LNPEP: variants seen among roughly 807,000 people sequenced by gnomAD.
The protein encoded by LNPEP is leucyl-cystinyl aminopeptidase.
In LNPEP, 64 loss-of-function variants were observed where a neutral mutation model predicts 120.6. That is an observed-to-expected ratio of 0.53 (90% confidence interval 0.43 to 0.65). LNPEP has a LOEUF of 0.65. Ranked by LOEUF, LNPEP falls within the 30% of genes least tolerant of loss-of-function variation. The probability of loss-of-function intolerance (pLI) is 0.00; values close to 1 mark genes in which losing one functional copy is unlikely to be tolerated. For synonymous variants in LNPEP, 435 were observed against 425.4 expected (o/e 1.02, Z -0.28); for missense variants, 1,057 against 1,200.0 (o/e 0.88, Z 1.76).
At chr5:96,945,037 A>AGATG (rs1227270765) in intron 1 of LNPEP, among the ~76,000 whole-genome samples, 2 of 152,106 alleles carry the variant, frequency 1.3e-5, no homozygotes, top group Admixed American at 1.3e-4. Context: ...TTCAGAGAAT[A>AGATG]GATGGTTATT....
rs1439670879 is a variant in LNPEP, at chr5:96,979,970, T to A, written c.852T>A (p.Asn284Lys). ...FYGFSYTDES[N>K]EKKYFAATQF... ...GCTTCTCCTACACAGATGAAAGTAA[T>A]GAGAAAAAGTAGGTAGCCCTCTTAA... The change falls in exon 2 of 18, where the codon AAT (asparagine) becomes AAA (lysine). Residue 284 changes from asparagine to lysine, a missense_variant. Physicochemically the swap from Asn to Lys is moderately conservative, Grantham distance 94 (BLOSUM62 0). Transcript: ENST00000231368. 6.3e-7 allele frequency: 1 copy of A among 1,579,394 alleles called. No individual in the cohort carries two copies. The highest frequency in any genetic ancestry group is 1.4e-5 in the African/African-American group (1 of 73,436).
chr5:96,991,816 T>C (rs1473279861), intron 4 of LNPEP, among the ~76,000 whole-genome samples: 3 of 146,644 alleles, frequency 2.0e-5, no homozygotes, highest in Admixed American at 1.4e-4. Context: ...ATGTTTTTGC[T>C]TTGAGAAATT....
At chr5:97,007,996 T>A (rs1454147560) in intron 11 of LNPEP, among the ~76,000 whole-genome samples, 1 of 152,198 alleles carries the variant, frequency 6.6e-6, no homozygotes, top group Non-Finnish European at 1.5e-5. Context: ...TCTAATTATT[T>A]AAAATCCTAG....
At chr5:97,018,937 C>T (rs72775877) in intron 13 of LNPEP, among the ~76,000 whole-genome samples, 3,575 of 152,250 alleles carry the variant, frequency 0.023, 62 homozygotes, top group Non-Finnish European at 0.033. Context: ...AGCCATATTC[C>T]TGTTTTATCA....
chr5:97,030,050 T>G lies in LNPEP; in HGVS notation c.*1517T>G, dbSNP rs1791438259. ...CCACAGAGTCAGACAGTGGGAAAGG[T>G]CACCCTTTTTTTATTCGGCAGGTAT... On this transcript the variant is annotated 3_prime_UTR_variant, in exon 18 of 18. Coordinates refer to ENST00000231368, the MANE Select transcript of LNPEP (RefSeq NM_005575.3). 1 of 152,092 alleles carries G rather than the reference T, an allele frequency of 6.6e-6. No individual in the cohort carries two copies. The highest frequency in any genetic ancestry group is 2.1e-4 in the South Asian group (1 of 4,830). The allele number at this position is 152,092 out of a possible 1,614,324, so 9.4% of individuals were successfully genotyped here. A position where few individuals can be genotyped will look rare whatever the true frequency, so the allele number is the denominator to read the frequency against.
At chr5:96,956,810 G>A (rs74590165) in intron 1 of LNPEP, among the ~76,000 whole-genome samples, 5,715 of 152,138 alleles carry the variant, frequency 0.038, 186 homozygotes, top group Middle Eastern at 0.11. Context: ...TCCTTGAGGC[G>A]CTGTTTATTT....
chr5:97,009,282 G>GT (rs1029452790), intron 11 of LNPEP, among the ~76,000 whole-genome samples: 1 of 152,060 alleles, frequency 6.6e-6, no homozygotes, highest in Non-Finnish European at 1.5e-5. Flanking sequence ...CCCTACTTAG[G>GT]TTTTTTAATA....
intron 1 of LNPEP, among the ~76,000 whole-genome samples, chr5:96,965,436 G>A (rs531595618): frequency 2.6e-4 from 39 of 151,956 alleles, no homozygotes; most frequent in Middle Eastern, 3.4e-3. Flanking sequence ...GGTTTTTCTT[G>A]CGCATACCTA....
chr5:96,965,005 C>T (rs180956684), intron 1 of LNPEP, among the ~76,000 whole-genome samples: 1 of 152,194 alleles, frequency 6.6e-6, no homozygotes, highest in Non-Finnish European at 1.5e-5. Flanking sequence ...TTGATACATG[C>T]ATACAGTGTG....
chr5:96,981,692 G>A (rs994922064), intron 2 of LNPEP, among the ~76,000 whole-genome samples: 12 of 152,144 alleles, frequency 7.9e-5, no homozygotes, highest in South Asian at 2.1e-4. Context: ...GTATGTAAAC[G>A]TCAGACACCT....
chr5:96,998,498 C>A (rs1226190308), intron 8 of LNPEP, among the ~76,000 whole-genome samples: 1 of 152,134 alleles, frequency 6.6e-6, no homozygotes, highest in Non-Finnish European at 1.5e-5. Context: ...GGTATGCTGT[C>A]AGGTCAGGAC....
chr5:96,962,979 T>G (rs1382491312), intron 1 of LNPEP, among the ~76,000 whole-genome samples: 3 of 152,150 alleles, frequency 2.0e-5, no homozygotes, highest in Non-Finnish European at 4.4e-5. Flanking sequence ...GCCTTTGGGC[T>G]TAAGAGAAAA....
intron 11 of LNPEP, chr5:97,010,195 C>T (rs1206106201): frequency 2.3e-5 from 17 of 754,500 alleles, no homozygotes; most frequent in South Asian, 6.1e-5. Context: ...TTTCTTCCTC[C>T]CTCTCTCTCT....
chr5:96,941,414 T>C (rs1261183479), intron 1 of LNPEP, among the ~76,000 whole-genome samples: 3 of 152,230 alleles, frequency 2.0e-5, no homozygotes, highest in African/African-American at 7.2e-5. Context: ...GAGCTGATAC[T>C]ACTAGGCCTT....
chr5:97,023,365 T>C (rs1329888235), intron 14 of LNPEP, among the ~76,000 whole-genome samples: 1 of 152,156 alleles, frequency 6.6e-6, no homozygotes, highest in Non-Finnish European at 1.5e-5. Flanking sequence ...TTGATTCTCC[T>C]GCCCCAGTAT....
chr5:96,962,474 A>G (rs560488966), intron 1 of LNPEP, among the ~76,000 whole-genome samples: 3 of 152,322 alleles, frequency 2.0e-5, no homozygotes, highest in East Asian at 3.9e-4. Flanking sequence ...ATGCTTTTAC[A>G]TATCATTTAA....
chr5:96,998,484 T>C (rs1228583526), intron 8 of LNPEP, among the ~76,000 whole-genome samples: 1 of 152,156 alleles, frequency 6.6e-6, no homozygotes, highest in Non-Finnish European at 1.5e-5. Context: ...TTACTCAGAA[T>C]TGAGGTATGC....
At position 97,002,763 on chromosome 5, in the gene LNPEP, A is replaced by G. The variant is rs190361231; in HGVS notation, c.1654-652A>G. On this transcript the variant is annotated intron_variant, in intron 8 of 17. Coordinates refer to ENST00000231368, the MANE Select transcript of LNPEP (RefSeq NM_005575.3). ...ATGTGATTTCTATTTCAAACCGGGA[A>G]GGTCTTCACAGAGGAGGTGGTGCTT... 7.0e-4 allele frequency among the ~76,000 whole-genome samples: 107 copies of G among 152,314 alleles called. 1 individual carries two copies. Among genetic ancestry groups the G allele is most frequent in the Middle Eastern group, 3.4e-3 (1 of 294 alleles).
chr5:97,002,120 CAA>C (rs1287890812), intron 8 of LNPEP, among the ~76,000 whole-genome samples: 2 of 151,926 alleles, frequency 1.3e-5, no homozygotes, highest in Non-Finnish European at 2.9e-5. Context: ...GCCTGGGTGA[CAA>C]GAGTGAGACT....
Sources: gnomAD v4.1 joint callset for allele counts (sites outside exome capture counted in the v4.1 genomes callset) on GRCh38, gnomAD v4.1.1 for gene constraint, MANE v1.5 for transcripts, NCBI Gene and HGNC (gene_info 2026-07-23, HGNC 2026-07-21) for gene names.